GOT1: variants seen among roughly 807,000 people sequenced by gnomAD.
GOT1 encodes the protein glutamic-oxaloacetic transaminase 1, also known as aspartate aminotransferase, cytoplasmic.
Under a neutral mutation model 48.2 loss-of-function variants are expected in GOT1, and 25 were observed. The observed-to-expected ratio is 0.52, with a 90% CI of 0.38 to 0.72. GOT1 has a LOEUF of 0.72. GOT1 is among the 30% of genes least tolerant of loss of function. The probability of loss-of-function intolerance (pLI) is 0.00; values close to 1 mark genes in which losing one functional copy is unlikely to be tolerated. For synonymous variants in GOT1, 188 were observed against 193.8 expected (o/e 0.97, Z 0.25); for missense variants, 380 against 520.1 (o/e 0.73, Z 2.62).
At chr10:99,406,313 T>A (rs1480340254) in intron 3 of GOT1, 64 bp from the exon 4 acceptor site, 24 of 1,188,934 alleles carry the variant, frequency 2.0e-5, no homozygotes, top group Non-Finnish European at 1.6e-5. Flanking sequence ...GTGGAAAGGA[T>A]GCAAGTCAGC....
intron 2 of GOT1, among the ~76,000 whole-genome samples, chr10:99,413,351 T>A (rs1339720937): frequency 6.6e-6 from 1 of 151,910 alleles, no homozygotes; most frequent in African/African-American, 2.4e-5. Context: ...TGATGGAAGA[T>A]CAAATGAATG....
chr10:99,420,858 T>G, intron 1 of GOT1, 53 bp from the exon 2 acceptor site: 1 of 1,399,034 alleles, frequency 7.1e-7, no homozygotes, highest in Non-Finnish European at 9.9e-7. Context: ...GTGTCCAAGT[T>G]AAGAGTTTGT....
At chr10:99,426,675 C>T (rs2033041226) in intron 1 of GOT1, among the ~76,000 whole-genome samples, 7 of 152,156 alleles carry the variant, frequency 4.6e-5, no homozygotes, top group Admixed American at 2.6e-4. Context: ...CTTTGAGAAG[C>T]ACTAAAATGA....
chr10:99,422,930 A>G (rs1415950192), intron 1 of GOT1, among the ~76,000 whole-genome samples: 1 of 152,246 alleles, frequency 6.6e-6, no homozygotes, highest in African/African-American at 2.4e-5. Context: ...TTTGGCTATT[A>G]AAACAATACT....
At chr10:99,406,294 G>A (rs773595229) in intron 3 of GOT1, 45 bp from the exon 4 acceptor site, 1 of 1,366,204 alleles carries the variant, frequency 7.3e-7, no homozygotes, top group Non-Finnish European at 1.0e-6. Flanking sequence ...CAAACACTAG[G>A]AGGCATGAGT....
In GOT1 at chr10:99,406,850, C is replaced by A. The variant is rs753734199; in HGVS notation, c.301-1G>T. ...CCCCCAAAGATTGCACACCTCCTAC[C>A]TGAAAGAGAAGAAACAGGGTCACAG... On this transcript the variant is annotated splice_acceptor_variant, in intron 2 of 8. Coordinates refer to ENST00000370508, the MANE Select transcript of GOT1 (RefSeq NM_002079.3). LOFTEE classifies it high-confidence loss of function. 6.2e-7 allele frequency: 1 copy of A among 1,613,780 alleles called. No individual in the cohort carries two copies. The highest frequency in any genetic ancestry group is 1.1e-5 in the South Asian group (1 of 91,056).
chr10:99,422,797 T>G (rs961620660), intron 1 of GOT1, among the ~76,000 whole-genome samples: 1 of 152,242 alleles, frequency 6.6e-6, no homozygotes, highest in Non-Finnish European at 1.5e-5. Context: ...TTTTTCCACT[T>G]GAAAATCATT....
At chr10:99,411,845 G>C (rs1564971558) in intron 2 of GOT1, among the ~76,000 whole-genome samples, 1 of 152,160 alleles carries the variant, frequency 6.6e-6, no homozygotes, top group Non-Finnish European at 1.5e-5. Flanking sequence ...GCCAAATGCT[G>C]AAAATCTGCA....
chr10:99,430,556 G>T lies in GOT1; in HGVS notation c.10C>A (p.Pro4Thr), dbSNP rs1266851737. Residue 4 changes from proline to threonine, a missense_variant, in exon 1 of 9, where the codon CCG (proline) becomes ACG (threonine). By Grantham distance (38) the Pro-to-Thr change is conservative. Coordinates refer to ENST00000370508, the MANE Select transcript of GOT1 (RefSeq NM_002079.3). ...TGCGGAACCTCGGCAAAGACTGACG[G>T]AGGTGCCATATCGAGAGACTAGGAA... MAP[P>T]SVFAEVPQAQ... is the part of the protein sequence containing the mutation. 3.7e-6 allele frequency: 6 copies of T among 1,603,016 alleles called. No homozygotes were observed. The highest frequency in any genetic ancestry group is 5.1e-6 in the Non-Finnish European group (6 of 1,173,616).
intron 2 of GOT1, 51 bp downstream of exon 2, chr10:99,420,573 C>A: frequency 1.5e-6 from 2 of 1,353,558 alleles, no homozygotes; most frequent in Non-Finnish European, 2.1e-6. Context: ...TTCTCAACAT[C>A]TTTTTACTTT....
At chr10:99,416,709 T>C (rs978308917) in intron 2 of GOT1, among the ~76,000 whole-genome samples, 2 of 152,184 alleles carry the variant, frequency 1.3e-5, no homozygotes, top group Non-Finnish European at 2.9e-5. Context: ...CAAAACAGCA[T>C]GGTACTGGTA....
intron 2 of GOT1, among the ~76,000 whole-genome samples, chr10:99,417,900 G>C (rs1032531541): frequency 9.2e-5 from 14 of 152,118 alleles, no homozygotes; most frequent in African/African-American, 3.4e-4. Flanking sequence ...GGGTCCTGTT[G>C]TGGGGTGCGG....
chr10:99,405,520 G>GACACACACACACAC (rs138777645), intron 5 of GOT1, among the ~76,000 whole-genome samples: 12 of 143,500 alleles, frequency 8.4e-5, no homozygotes, highest in African/African-American at 2.8e-4. Context: ...CATAAAACTA[G>GACACACACACACAC]ACACACACAC....
chr10:99,414,977 C>T (rs529149013), intron 2 of GOT1, among the ~76,000 whole-genome samples: 1 of 151,598 alleles, frequency 6.6e-6, no homozygotes, highest in South Asian at 2.1e-4. Flanking sequence ...TAAATGCCCA[C>T]AAGAGAAAGC....
chr10:99,405,855 A>G lies in GOT1; in HGVS notation c.543T>C (p.Ala181=), dbSNP rs1348785118. 1 of 1,582,084 alleles carries G rather than the reference A, an allele frequency of 6.3e-7. No individual in the cohort carries two copies. The highest frequency in any genetic ancestry group is 1.1e-5 in the South Asian group (1 of 90,468). Residue 181 remains alanine (A), a synonymous_variant, in exon 5 of 9, where the codon GCT becomes GCC. Coordinates refer to ENST00000370508, the MANE Select transcript of GOT1 (RefSeq NM_002079.3). ...GGAGGACAACAATGGAGAACTCAGG[A>G]GCATTCTGAGGAGAAGGAAGCTATG... ...LQGFLNDLEN[A]PEFSIVVLHA...
At chr10:99,413,382 T>G (rs1325256766) in intron 2 of GOT1, among the ~76,000 whole-genome samples, 13 of 151,744 alleles carry the variant, frequency 8.6e-5, no homozygotes, top group Non-Finnish European at 1.3e-4. Context: ...AGAAGAGAAG[T>G]TTAGAGAAAA....
chr10:99,397,793 G>C lies in GOT1; in HGVS notation c.1103-107C>G. ...CAGCTTTACTTCTTTCCCCTTAACA[G>C]AGAGAAGCAAAACAAAAGGCGCTAT... On this transcript the variant is annotated intron_variant, in intron 8 of 8. Coordinates refer to ENST00000370508, the MANE Select transcript of GOT1 (RefSeq NM_002079.3). This position sits in a 1 kb window ranked among gnomAD's most constrained non-coding sequence, Gnocchi z 5.4. 9.2e-7 allele frequency: 1 copy of C among 1,085,228 alleles called. No homozygotes were observed. Among genetic ancestry groups the C allele is most frequent in the Non-Finnish European group, 1.3e-6 (1 of 743,794 alleles). The allele number at this position is 1,085,228 out of a possible 1,614,324, so 67.2% of individuals were successfully genotyped here.
chr10:99,408,480 G>A (rs2032789900), intron 2 of GOT1, among the ~76,000 whole-genome samples: 1 of 152,222 alleles, frequency 6.6e-6, no homozygotes, highest in Non-Finnish European at 1.5e-5. Context: ...ACTTTGGGAG[G>A]CCAAGGTGGG....
intron 2 of GOT1, among the ~76,000 whole-genome samples, chr10:99,407,431 CATT>C: frequency 6.8e-6 from 1 of 147,568 alleles, no homozygotes; most frequent in East Asian, 1.9e-4. Flanking sequence ...GGCTTCCTCT[CATT>C]TTTTTTTTTT....
Sources: allele counts gnomAD v4.1 joint callset (sites outside exome capture counted in the v4.1 genomes callset), GRCh38; gene constraint gnomAD v4.1.1; non-coding constraint Gnocchi (gnomAD v3.1); transcripts MANE v1.5; gene names NCBI Gene and HGNC (gene_info 2026-07-23, HGNC 2026-07-21).